Variants in NOL10 observed in about 807,000 individuals in gnomAD.
The protein encoded by NOL10 is nucleolar protein 10, also known as H_NH0074G24.1.
Under a neutral mutation model 103.5 loss-of-function variants are expected in NOL10, and 58 were observed. The observed-to-expected ratio is 0.56, with a 90% CI of 0.45 to 0.70. The LOEUF (loss-of-function observed/expected upper bound fraction) is 0.70, where lower values mean the gene tolerates loss of function less well. Among genes scored for constraint, NOL10 ranks in the 30% least tolerant of loss-of-function variants. The probability of loss-of-function intolerance (pLI) is 0.00; values close to 1 mark genes in which losing one functional copy is unlikely to be tolerated. For synonymous variants in NOL10, 287 were observed against 282.5 expected, an observed-to-expected ratio of 1.02 and a Z score of -0.16; for missense variants, 763 against 807.3, an observed-to-expected ratio of 0.95 and a Z score of 0.67.
chr2:10,629,575 G>A (rs1379288564), intron 13 of NOL10, among the ~76,000 whole-genome samples: 1 of 152,152 alleles, frequency 6.6e-6, no homozygotes, highest in African/African-American at 2.4e-5. Context: ...TACAAAGAGT[G>A]CGCCTTGATG....
chr2:10,649,772 A>G (rs1174665640), intron 12 of NOL10, among the ~76,000 whole-genome samples: 2 of 152,084 alleles, frequency 1.3e-5, no homozygotes, highest in Non-Finnish European at 2.9e-5. Context: ...AAAACTACTC[A>G]CCTCTGCCAC....
intron 1 of NOL10, among the ~76,000 whole-genome samples, chr2:10,685,682 A>G (rs982187659): frequency 1.7e-4 from 26 of 152,232 alleles, no homozygotes; most frequent in Non-Finnish European, 8.8e-5. Context: ...GAAAATGAAA[A>G]TTAACTTTAT....
At chr2:10,632,046 C>A (rs752477921) in intron 13 of NOL10, among the ~76,000 whole-genome samples, 1 of 152,130 alleles carries the variant, frequency 6.6e-6, no homozygotes, top group Non-Finnish European at 1.5e-5. Flanking sequence ...GCATTAAGTA[C>A]GGTCAAGAAG....
chr2:10,686,842 G>C (rs187714763), intron 1 of NOL10, among the ~76,000 whole-genome samples: 17 of 141,574 alleles, frequency 1.2e-4, no homozygotes, highest in African/African-American at 4.2e-4. Flanking sequence ...GGTTGCAGGA[G>C]GGGGAAATGT....
At chr2:10,593,020 C>T (rs1572251588) in intron 17 of NOL10, among the ~76,000 whole-genome samples, 1 of 152,186 alleles carries the variant, frequency 6.6e-6, no homozygotes, top group Admixed American at 6.5e-5. Flanking sequence ...ATTCATACCA[C>T]AGTCCTACCT....
chr2:10,615,060 G>C (rs1167085152), intron 13 of NOL10, among the ~76,000 whole-genome samples: 1 of 152,228 alleles, frequency 6.6e-6, no homozygotes, highest in Non-Finnish European at 1.5e-5. Flanking sequence ...GGGTGAGCCA[G>C]AGGGAGTGGC....
At chr2:10,657,952 C>A in intron 10 of NOL10, 61 bp from the exon 11 acceptor site, 1 of 1,307,830 alleles carries the variant, frequency 7.6e-7, no homozygotes, top group Admixed American at 2.6e-5. Flanking sequence ...GGAAATATTT[C>A]TAAGTGAGAA....
chr2:10,658,035 A>T, intron 10 of NOL10, 144 bp from the exon 11 acceptor site: 1 of 524,984 alleles, frequency 1.9e-6, no homozygotes, highest in Non-Finnish European at 3.2e-6. Context: ...CTGAGATTTG[A>T]GATTCTTTCC....
At chr2:10,596,290 G>C (rs1439206019) in intron 17 of NOL10, among the ~76,000 whole-genome samples, 1 of 150,034 alleles carries the variant, frequency 6.7e-6, no homozygotes, top group Non-Finnish European at 1.5e-5. Flanking sequence ...GGAGTTTTGG[G>C]ATGATTCAAG....
At chr2:10,658,967 G>A (rs1362074492) in intron 10 of NOL10, among the ~76,000 whole-genome samples, 1 of 152,102 alleles carries the variant, frequency 6.6e-6, no homozygotes, top group African/African-American at 2.4e-5. Context: ...TCCCACTGCA[G>A]CTCTAAGTCC....
At chr2:10,669,877 C>T (rs142863312) in intron 6 of NOL10, among the ~76,000 whole-genome samples, 5,187 of 150,722 alleles carry the variant, frequency 0.034, 173 homozygotes, top group African/African-American at 0.084. Flanking sequence ...GGCGACAGAG[C>T]GAGACTCCAT....
intron 8 of NOL10, among the ~76,000 whole-genome samples, chr2:10,664,117 TAAA>T (rs1233675337): frequency 7.7e-6 from 1 of 129,608 alleles, no homozygotes. Context: ...AGACTCCGTC[TAAA>T]AAAAAAAAAA....
chr2:10,583,973 T>C (rs558582520), intron 19 of NOL10, among the ~76,000 whole-genome samples: 1 of 152,314 alleles, frequency 6.6e-6, no homozygotes, highest in African/African-American at 2.4e-5. Flanking sequence ...TTGGATCCCA[T>C]TCATCTAAGC....
intron 17 of NOL10, among the ~76,000 whole-genome samples, chr2:10,591,281 C>T (rs1675375854): frequency 1.3e-5 from 2 of 152,142 alleles, no homozygotes; most frequent in South Asian, 4.1e-4. Context: ...ACACGTGCTA[C>T]TAGGCCTCTT....
intron 13 of NOL10, among the ~76,000 whole-genome samples, chr2:10,641,174 C>CAAAAAAA (rs35267200): frequency 3.0e-5 from 3 of 99,454 alleles, no homozygotes; most frequent in African/African-American, 3.7e-5. Flanking sequence ...TACAAAAATA[C>CAAAAAAA]AAAAAAAAAA....
At chr2:10,623,076 A>G (rs1677240031) in intron 13 of NOL10, among the ~76,000 whole-genome samples, 1 of 151,078 alleles carries the variant, frequency 6.6e-6, no homozygotes, top group South Asian at 2.1e-4. Context: ...TATTTTTTCT[A>G]ATCAATTACA....
chr2:10,602,493 T>C (rs1043252249), intron 16 of NOL10, among the ~76,000 whole-genome samples: 1 of 152,184 alleles, frequency 6.6e-6, no homozygotes, highest in Non-Finnish European at 1.5e-5. Context: ...CATTTAAAAA[T>C]GCTATCAGGT....
intron 13 of NOL10, among the ~76,000 whole-genome samples, chr2:10,640,208 T>C (rs1473578852): frequency 6.6e-6 from 1 of 152,236 alleles, no homozygotes; most frequent in Non-Finnish European, 1.5e-5. Context: ...AGGCCTCAAA[T>C]GAACCTTCCT....
chr2:10,582,374 C>T (rs1023108482), intron 19 of NOL10, among the ~76,000 whole-genome samples: 2 of 152,220 alleles, frequency 1.3e-5, no homozygotes, highest in African/African-American at 2.4e-5. Context: ...AGAATGCTTT[C>T]ATAAATGGAA....
Sources: gnomAD v4.1 joint callset for allele counts (sites outside exome capture counted in the v4.1 genomes callset) on GRCh38, gnomAD v4.1.1 for gene constraint, MANE v1.5 for transcripts, NCBI Gene and HGNC (gene_info 2026-07-23, HGNC 2026-07-21) for gene names.